The following SDK2 variants were observed in gnomAD, a reference collection of about 807,000 sequenced individuals.
SDK2 encodes the protein sidekick cell adhesion molecule 2, also known as protein sidekick-2.
In SDK2, 105 loss-of-function variants were observed where a neutral mutation model predicts 253.9. The observed-to-expected ratio is 0.41, with a 90% CI of 0.35 to 0.49. The LOEUF (loss-of-function observed/expected upper bound fraction) is 0.49, where lower values mean the gene tolerates loss of function less well. Among genes scored for constraint, SDK2 ranks in the 20% least tolerant of loss-of-function variants. The pLI is 0.06. For missense variants in SDK2, 2,608 were observed against 3,003.0 expected, an observed-to-expected ratio of 0.87 and a Z score of 3.07; for synonymous variants, 1,249 against 1,234.9, an observed-to-expected ratio of 1.01 and a Z score of -0.24.
intron 37 of SDK2, among the ~76,000 whole-genome samples, chr17:73,367,646 G>A (rs2062697177): frequency 6.6e-6 from 1 of 152,110 alleles, no homozygotes; most frequent in Non-Finnish European, 1.5e-5. Flanking sequence ...GGGATTACAG[G>A]CACGTACCAC....
chr17:73,402,689 A>G (rs893673157), intron 18 of SDK2, among the ~76,000 whole-genome samples: 1 of 152,118 alleles, frequency 6.6e-6, no homozygotes, highest in Admixed American at 6.5e-5. Context: ...CTGCAGCCTC[A>G]ACCTCCTGGG....
chr17:73,438,218 G>A lies in SDK2; in HGVS notation c.726-64C>T, dbSNP rs2063386087. ...GACTCCCAGAGGCCTGAGAGGCAGGGCAGGGGGTGGTAAGGAGTGTGGGCT... is the reference window on the plus strand; with the variant it reads ...GACTCCCAGAGGCCTGAGAGGCAGGACAGGGGGTGGTAAGGAGTGTGGGCT... On this transcript the variant is annotated intron_variant, in intron 6 of 44. Coordinates refer to ENST00000392650, the MANE Select transcript of SDK2 (RefSeq NM_001144952.2). The A allele has an allele frequency of 3.4e-6, 5 of 1,451,832 alleles. No individual in the cohort carries two copies. The Admixed American group carries it at 8.4e-5, about 24-fold the overall frequency. The allele number at this position is 1,451,832 out of a possible 1,614,324, so 89.9% of individuals were successfully genotyped here. A position where few individuals can be genotyped will look rare whatever the true frequency, so the allele number is the denominator to read the frequency against.
chr17:73,339,016 G>A lies in SDK2; in HGVS notation c.6166-76C>T, dbSNP rs1157388219. The stretch of plus-strand genomic sequence containing the variant: ...ATTGTGGTTGGGGCCGGAAGGCACA[G>A]GGCATTCTGGTTCAAAACTCTGCTC... On this transcript the variant is annotated intron_variant, in intron 44 of 44. Transcript: ENST00000392650. 4 of 1,289,742 alleles carry A rather than the reference G, an allele frequency of 3.1e-6. No individual in the cohort carries two copies. In the African/African-American group the frequency reaches 5.9e-5, roughly 19 times the overall value. The allele number at this position is 1,289,742 out of a possible 1,614,324, so 79.9% of individuals were successfully genotyped here.
intron 1 of SDK2, among the ~76,000 whole-genome samples, chr17:73,550,989 T>C (rs9896289): frequency 0.26 from 40,200 of 152,066 alleles, 7,340 homozygotes; most frequent in African/African-American, 0.52. Context: ...CTGTCAGTGC[T>C]TCCCACTGGC....
chr17:73,520,637 C>T (rs1230715525), intron 1 of SDK2: 1 of 152,388 alleles, frequency 6.6e-6, no homozygotes, highest in Non-Finnish European at 1.5e-5. Flanking sequence ...CACCGGCACC[C>T]AGTCCACTAC....
At position 73,352,767 on chromosome 17, in the gene SDK2, G is replaced by A; in HGVS notation, c.5594-130C>T. On this transcript the variant is annotated intron_variant, in intron 40 of 44. Coordinates refer to ENST00000392650, the MANE Select transcript of SDK2 (RefSeq NM_001144952.2). This position sits in a 1 kb window ranked among gnomAD's most constrained non-coding sequence, Gnocchi z 4.1. ...CCTCCCTGCTCCACACTGAATCGCA[G>A]GCCTTGGTCCTCCCTTGAAGTTTCT... 1 of 926,952 alleles carries A rather than the reference G, an allele frequency of 1.1e-6. No homozygotes were observed. Among genetic ancestry groups the A allele is most frequent in the Admixed American group, 2.6e-5 (1 of 39,122 alleles). The allele number at this position is 926,952 out of a possible 1,614,324, so 57.4% of individuals were successfully genotyped here.
At chr17:73,517,940 A>C (rs1000634411) in intron 1 of SDK2, 1 of 152,338 alleles carries the variant, frequency 6.6e-6, no homozygotes, top group Non-Finnish European at 1.5e-5. Flanking sequence ...TGCCCTCTGT[A>C]ACTCTTCTCC....
chr17:73,483,536 TG>T (rs2063742795), intron 2 of SDK2, among the ~76,000 whole-genome samples: 2 of 142,376 alleles, frequency 1.4e-5, no homozygotes, highest in South Asian at 2.2e-4. Context: ...TATATATGTA[TG>T]TATATATGTA....
At chr17:73,341,270 C>T (rs2062434842) in intron 44 of SDK2, among the ~76,000 whole-genome samples, 1 of 144,190 alleles carries the variant, frequency 6.9e-6, no homozygotes, top group Non-Finnish European at 1.5e-5. Context: ...GTCCTAGGCA[C>T]AGGCTTCATC....
chr17:73,634,290 C>T (rs2046304536), intron 1 of SDK2, among the ~76,000 whole-genome samples: 1 of 152,216 alleles, frequency 6.6e-6, no homozygotes, highest in African/African-American at 2.4e-5. Flanking sequence ...GTATCTTGGC[C>T]AAATCTAAGG....
intron 1 of SDK2, among the ~76,000 whole-genome samples, chr17:73,567,939 G>A (rs1180383184): frequency 6.6e-6 from 1 of 152,194 alleles, no homozygotes; most frequent in Non-Finnish European, 1.5e-5. Context: ...AACTTTTTGA[G>A]TTGATACTCA....
Position 73,386,538 on chromosome 17 carries a change from A to C in SDK2, c.4405T>G (p.Phe1469Val), listed in dbSNP as rs1249317457. The C allele has an allele frequency of 5.1e-6, 8 of 1,555,148 alleles. No individual in the cohort carries two copies. The highest frequency in any genetic ancestry group is 7.0e-6 in the Non-Finnish European group (8 of 1,148,886). Residue 1469 changes from phenylalanine (F) to valine (V), a missense_variant, in exon 31 of 45, where the codon TTC becomes GTC. Phe to Val is a conservative substitution (Grantham distance 50, BLOSUM62 -1). Around this residue, in one of 2 missense-constraint regions of SDK2, gnomAD observed 1,103 missense variants for 1,143.9 expected, o/e 0.96. Coordinates refer to ENST00000392650, the MANE Select transcript of SDK2 (RefSeq NM_001144952.2). ...SSFIVDRLKP[F>V]TSYKFRVKAT... Reference sequence around the variant, plus strand: ...TTCACTCGGAACTTGTAGGACGTGAAGGGCTTCAGCCTGTAGGGAGAAATC... The same window carrying C: ...TTCACTCGGAACTTGTAGGACGTGACGGGCTTCAGCCTGTAGGGAGAAATC...
Position 73,414,777 on chromosome 17 carries a change from A to G in SDK2, c.2369-18T>C. The G allele has an allele frequency of 6.8e-7, 1 of 1,470,514 alleles. No individual in the cohort carries two copies. Among genetic ancestry groups the G allele is most frequent in the Non-Finnish European group, 9.5e-7 (1 of 1,050,446 alleles). The allele number at this position is 1,470,514 out of a possible 1,614,324, so 91.1% of individuals were successfully genotyped here. A position where few individuals can be genotyped will look rare whatever the true frequency, so the allele number is the denominator to read the frequency against. On this transcript the variant is annotated intron_variant, in intron 17 of 44. Coordinates refer to ENST00000392650, the MANE Select transcript of SDK2 (RefSeq NM_001144952.2). ...CGTGGGAACTAGAGGAGATGAGAGA[A>G]CGGGGTGGGGTGGAGGGGGCCCAGT...
Position 73,595,276 on chromosome 17 carries a change from G to T in SDK2, c.64+48749C>A, listed in dbSNP as rs140316604. On this transcript the variant is annotated intron_variant, in intron 1 of 44. Transcript: ENST00000392650. ...AGAGGCAGGCCTGGGGGAGAGCGTG[G>T]CCCTGTGTCGGAGAGACAGAGAAAT... Among the ~76,000 whole-genome samples, 11 of 152,256 alleles carry T rather than the reference G, an allele frequency of 7.2e-5. No homozygotes were observed. In the East Asian group the frequency reaches 2.1e-3, roughly 29 times the overall value.
chr17:73,568,108 G>A (rs1021826153), intron 1 of SDK2, among the ~76,000 whole-genome samples: 2 of 152,174 alleles, frequency 1.3e-5, no homozygotes, highest in African/African-American at 4.8e-5. Flanking sequence ...GTTAGAAATG[G>A]GGCCTGGGGG....
intron 1 of SDK2, among the ~76,000 whole-genome samples, chr17:73,572,884 G>A (rs987820415): frequency 2.0e-5 from 3 of 152,076 alleles, no homozygotes; most frequent in African/African-American, 4.8e-5. Flanking sequence ...ACTTCCTCCC[G>A]GGGAGCCTCC....
intron 1 of SDK2, among the ~76,000 whole-genome samples, chr17:73,561,400 G>A (rs924354274): frequency 6.6e-6 from 1 of 152,188 alleles, no homozygotes; most frequent in Non-Finnish European, 1.5e-5. Flanking sequence ...TCAGCACAGG[G>A]CCACCTGGGA....
chr17:73,423,507 C>G lies in SDK2; in HGVS notation c.1776G>C (p.Ala592=). ...TGAGAGTGGCCACTGGGTGCTCGGG[C>G]GCGTGGGGCAGTTGCCTGGAAAAGA... ...AHLRVRQLPH[A]PEHPVATLST... Residue 592 remains alanine, a synonymous_variant, in exon 14 of 45, where the codon GCG becomes GCC. Transcript: ENST00000392650. The G allele has an allele frequency of 6.4e-7, 1 of 1,570,602 alleles. No homozygotes were observed. Among genetic ancestry groups the G allele is most frequent in the Non-Finnish European group, 8.7e-7 (1 of 1,155,134 alleles).
chr17:73,342,600 A>C (rs1234426928), intron 44 of SDK2, among the ~76,000 whole-genome samples: 1 of 152,202 alleles, frequency 6.6e-6, no homozygotes, highest in Non-Finnish European at 1.5e-5. Flanking sequence ...TGACTTGAAC[A>C]GTTGTTAGCA....
Sources: gnomAD v4.1 joint callset for allele counts (sites outside exome capture counted in the v4.1 genomes callset) on GRCh38, gnomAD v4.1.1 for gene constraint, gnomAD v4.1.1 regional missense constraint, Gnocchi (gnomAD v3.1) non-coding constraint, MANE v1.5 for transcripts, NCBI Gene and HGNC (gene_info 2026-07-23, HGNC 2026-07-21) for gene names.